Variants in GRIK1 observed in about 807,000 individuals in gnomAD.
The protein encoded by GRIK1 is glutamate receptor ionotropic, kainate 1.
In GRIK1, 69 loss-of-function variants were observed where a neutral mutation model predicts 105.7. The ratio of observed to expected loss-of-function variants is 0.65; its 90% CI spans 0.54 to 0.80. GRIK1 has a LOEUF of 0.80. GRIK1 is among the 30% of genes least tolerant of loss of function. The pLI, the probability that GRIK1 is intolerant of heterozygous loss-of-function variation, is 0.00. For synonymous variants in GRIK1, 438 were observed against 431.3 expected (o/e 1.02, Z -0.19); for missense variants, 1,109 against 1,167.3 (o/e 0.95, Z 0.73).
intron 7 of GRIK1, among the ~76,000 whole-genome samples, chr21:29,639,113 G>C (rs546806265): frequency 1.4e-3 from 211 of 152,282 alleles, no homozygotes; most frequent in African/African-American, 4.9e-3. Flanking sequence ...TCCAGCTCCT[G>C]ACTCTGTCTT....
At chr21:29,653,291 G>T (rs542651239) in intron 5 of GRIK1, among the ~76,000 whole-genome samples, 5 of 152,302 alleles carry the variant, frequency 3.3e-5, no homozygotes, top group African/African-American at 1.2e-4. Flanking sequence ...ATAGTACATA[G>T]ATTTAACATG....
At chr21:29,555,984 C>A (rs886245659) in intron 15 of GRIK1, among the ~76,000 whole-genome samples, 9 of 152,128 alleles carry the variant, frequency 5.9e-5, no homozygotes, top group African/African-American at 2.2e-4. Context: ...CCTGTTCCAC[C>A]AGATATACCT....
intron 7 of GRIK1, among the ~76,000 whole-genome samples, chr21:29,620,466 C>T (rs554062102): frequency 6.6e-6 from 1 of 152,194 alleles, no homozygotes; most frequent in South Asian, 2.1e-4. Flanking sequence ...CCACCATGGC[C>T]TTTCTTTAAA....
intron 1 of GRIK1, among the ~76,000 whole-genome samples, chr21:29,770,276 C>A (rs2065782242): frequency 6.6e-6 from 1 of 152,172 alleles, no homozygotes; most frequent in African/African-American, 2.4e-5. Context: ...AGTTAAATGC[C>A]TGAAGGCCCT....
chr21:29,695,252 A>T (rs982617454), intron 1 of GRIK1, among the ~76,000 whole-genome samples: 2 of 152,156 alleles, frequency 1.3e-5, no homozygotes, highest in African/African-American at 4.8e-5. Flanking sequence ...ATGTTTTCTG[A>T]GAGACGTCCT....
intron 16 of GRIK1, among the ~76,000 whole-genome samples, chr21:29,547,631 G>A (rs1003127517): frequency 1.3e-4 from 20 of 152,222 alleles, no homozygotes; most frequent in African/African-American, 4.8e-4. Flanking sequence ...CATGCCCATC[G>A]TTCAGAGTTC....
chr21:29,868,812 G>A (rs572957597), intron 1 of GRIK1, among the ~76,000 whole-genome samples: 2 of 152,186 alleles, frequency 1.3e-5, no homozygotes, highest in East Asian at 3.9e-4. Flanking sequence ...AGGAAGATAT[G>A]GGAAAAGGAA....
intron 1 of GRIK1, among the ~76,000 whole-genome samples, chr21:29,865,191 A>G (rs878884638): frequency 6.6e-6 from 1 of 152,206 alleles, no homozygotes; most frequent in Non-Finnish European, 1.5e-5. Flanking sequence ...TATTTTAGAC[A>G]TAATGTTATA....
chr21:29,651,404 G>C, intron 5 of GRIK1, 113 bp from the exon 6 acceptor site: 1 of 697,332 alleles, frequency 1.4e-6, no homozygotes, highest in Non-Finnish European at 2.2e-6. Flanking sequence ...TTTTATCTGT[G>C]GTTTTGTGGT....
chr21:29,597,934 C>G lies in GRIK1; in HGVS notation c.1206+896G>C, dbSNP rs3026023. ...ATTTTAAAAAATCAACCCAACTAAT[C>G]TAATTAATCAAGCAATCGATTGTTC... On this transcript the variant is annotated intron_variant, in intron 8 of 17. Transcript: ENST00000327783. Among the ~76,000 whole-genome samples, 105 of 152,178 alleles carry G rather than the reference C, an allele frequency of 6.9e-4. 1 individual carries two copies. The highest frequency in any genetic ancestry group is 1.4e-3 in the Non-Finnish European group (92 of 68,016).
intron 1 of GRIK1, among the ~76,000 whole-genome samples, chr21:29,885,106 A>G (rs2146197850): frequency 6.6e-6 from 1 of 152,202 alleles, no homozygotes; most frequent in South Asian, 2.1e-4. Flanking sequence ...ATGCATATTT[A>G]TTGAGCAAAA....
chr21:29,611,359 G>GC (rs76230537), intron 7 of GRIK1, among the ~76,000 whole-genome samples: 81,897 of 151,804 alleles, frequency 0.54, 25,053 homozygotes, highest in African/African-American at 0.84. Context: ...CTTTAACTCA[G>GC]ATATTCATTT....
chr21:29,884,436 A>T lies in GRIK1; in HGVS notation c.118+54947T>A, dbSNP rs577135094. Among the ~76,000 whole-genome samples, 150 of 152,048 alleles carry T rather than the reference A, an allele frequency of 9.9e-4. 3 individuals are homozygous for T. In the South Asian group the frequency reaches 0.03, roughly 30 times the overall value. On this transcript the variant is annotated intron_variant, in intron 1 of 17. Transcript: ENST00000327783. Reference sequence around the variant, plus strand: ...TGGTTGTATTTTTTTCCATATGAGGACTTTCGTCCCTCTACTCCCACCCCC... The same window carrying T: ...TGGTTGTATTTTTTTCCATATGAGGTCTTTCGTCCCTCTACTCCCACCCCC...
At chr21:29,768,128 GA>G (rs574991234) in intron 1 of GRIK1, among the ~76,000 whole-genome samples, 179 of 152,258 alleles carry the variant, frequency 1.2e-3, no homozygotes, top group Non-Finnish European at 2.3e-3. Flanking sequence ...TGATTATCGA[GA>G]GTTTTTAGGC....
chr21:29,747,823 A>C (rs116367532), intron 1 of GRIK1, among the ~76,000 whole-genome samples: 1 of 152,202 alleles, frequency 6.6e-6, no homozygotes, highest in African/African-American at 2.4e-5. Context: ...GCATGACTCC[A>C]TCTCAAAGAA....
At chr21:29,579,985 GTGTATATATATGTATATATA>G (rs201446350) in intron 13 of GRIK1, among the ~76,000 whole-genome samples, 5 of 144,612 alleles carry the variant, frequency 3.5e-5, no homozygotes, top group African/African-American at 5.2e-5. Context: ...ATATATATGT[GTGTATATATATGTATATATA>G]TGTATATATA....
intron 7 of GRIK1, among the ~76,000 whole-genome samples, chr21:29,619,592 A>G (rs1204294367): frequency 6.6e-6 from 1 of 152,148 alleles, no homozygotes; most frequent in Admixed American, 6.5e-5. Context: ...TAACTTACTT[A>G]TGTAACCAAA....
intron 7 of GRIK1, among the ~76,000 whole-genome samples, chr21:29,620,808 T>TAG (rs56341617): frequency 0.083 from 10,136 of 122,430 alleles, 812 homozygotes; most frequent in African/African-American, 0.25. Flanking sequence ...TATATATAGA[T>TAG]ATATATATAT....
At chr21:29,587,895 A>C (rs1314268890) in intron 11 of GRIK1, among the ~76,000 whole-genome samples, 1 of 151,308 alleles carries the variant, frequency 6.6e-6, no homozygotes, top group East Asian at 1.9e-4. Context: ...AAAAAGAAGG[A>C]ATGAGCAACT....
Sources: gnomAD v4.1 joint callset for allele counts (sites outside exome capture counted in the v4.1 genomes callset) on GRCh38, gnomAD v4.1.1 for gene constraint, MANE v1.5 for transcripts, NCBI Gene and HGNC (gene_info 2026-07-23, HGNC 2026-07-21) for gene names.